Variants in ANK1 observed in about 807,000 individuals in gnomAD.
ANK1 encodes ankyrin 1, also known as ankyrin-1.
A neutral mutation model predicts 210.4 loss-of-function variants in ANK1; 51 were observed. That is an observed-to-expected ratio of 0.24 (90% CI 0.19 to 0.31). ANK1 has a LOEUF of 0.31. ANK1 is among the 10% of genes least tolerant of loss of function. The pLI, the probability that ANK1 is intolerant of heterozygous loss-of-function variation, is 1.00. For missense variants in ANK1, 2,051 were observed against 2,504.4 expected (o/e 0.82, Z 3.86); for synonymous variants, 967 against 1,025.9 (o/e 0.94, Z 1.10).
intron 42 of ANK1, chr8:41,660,647 C>G: frequency 2.4e-6 from 1 of 423,626 alleles, no homozygotes; most frequent in Non-Finnish European, 4.7e-6. Flanking sequence ...TGTGGCCACA[C>G]TGCCCCATGC....
At chr8:41,783,244 G>A (rs183583881) in intron 1 of ANK1, among the ~76,000 whole-genome samples, 70 of 152,264 alleles carry the variant, frequency 4.6e-4, no homozygotes, top group African/African-American at 1.5e-3. Context: ...TCCTACTCCC[G>A]GTCCATGCAA....
intron 1 of ANK1, among the ~76,000 whole-genome samples, chr8:41,881,961 G>C (rs976759494): frequency 2.6e-5 from 4 of 152,138 alleles, no homozygotes. Flanking sequence ...CCTGCTAGTA[G>C]CTGGGTGGGC....
At chr8:41,739,521 C>CTTTTTTTTTTTCTTTT (rs774043664) in intron 2 of ANK1, among the ~76,000 whole-genome samples, 1 of 116,112 alleles carries the variant, frequency 8.6e-6, no homozygotes. Flanking sequence ...TTTTTTCTTT[C>CTTTTTTTTTTTCTTTT]TTTTTTTTTT....
chr8:41,871,415 C>T (rs570108085), intron 1 of ANK1, among the ~76,000 whole-genome samples: 3 of 152,340 alleles, frequency 2.0e-5, no homozygotes, highest in Admixed American at 1.3e-4. Context: ...TCAAGCCATC[C>T]TCCCATCTCA....
intron 1 of ANK1, among the ~76,000 whole-genome samples, chr8:41,895,544 C>T (rs759644212): frequency 1.3e-5 from 2 of 152,060 alleles, no homozygotes; most frequent in Non-Finnish European, 2.9e-5. Flanking sequence ...TGGGTCTTTG[C>T]GGGCCTATTT....
At chr8:41,867,094 G>A (rs1045140533) in intron 1 of ANK1, among the ~76,000 whole-genome samples, 1 of 152,154 alleles carries the variant, frequency 6.6e-6, no homozygotes. Context: ...TTCTTAGTGT[G>A]GGGAGGTACA....
upstream of ANK1, among the ~76,000 whole-genome samples, chr8:41,798,853 G>A (rs571473092): frequency 5.9e-5 from 9 of 152,090 alleles, no homozygotes; most frequent in Non-Finnish European, 1.3e-4. Context: ...CTGGGCCCAC[G>A]CTGGTCCAGG....
At chr8:41,684,747 G>T in intron 36 of ANK1, 57 bp from the exon 37 acceptor site, 2 of 1,579,946 alleles carry the variant, frequency 1.3e-6, no homozygotes, top group South Asian at 1.1e-5. Flanking sequence ...AGGATCACAT[G>T]GGCTCAGAAA....
chr8:41,869,661 C>T (rs1815110190), intron 1 of ANK1, among the ~76,000 whole-genome samples: 1 of 152,152 alleles, frequency 6.6e-6, no homozygotes, highest in Non-Finnish European at 1.5e-5. Context: ...AAAAATGCTG[C>T]CTTGTAGGAA....
At chr8:41,814,562 T>C (rs2150785324) in intron 1 of ANK1, among the ~76,000 whole-genome samples, 1 of 152,136 alleles carries the variant, frequency 6.6e-6, no homozygotes, top group Non-Finnish European at 1.5e-5. Context: ...TTTCCATGAA[T>C]CTCCTTAAAG....
chr8:41,719,998 T>G (rs1271531674), intron 9 of ANK1, 140 bp from the exon 10 acceptor site: 2 of 982,802 alleles, frequency 2.0e-6, no homozygotes, highest in African/African-American at 3.2e-5. Context: ...TGGCTCACCC[T>G]GGCCTCCACG....
At chr8:41,736,858 C>G (rs928280190) in intron 2 of ANK1, among the ~76,000 whole-genome samples, 1 of 152,206 alleles carries the variant, frequency 6.6e-6, no homozygotes, top group Non-Finnish European at 1.5e-5. Context: ...CTGAACTCCA[C>G]CCTTTCATCT....
At chr8:41,717,465 G>A (rs1231419060) in intron 12 of ANK1, 139 bp downstream of exon 12, 15 of 830,392 alleles carry the variant, frequency 1.8e-5, no homozygotes, top group Admixed American at 1.4e-4. Context: ...ACACAGGGAT[G>A]TCCTCCCCCA....
At chr8:41,892,011 G>A (rs117151555) in intron 1 of ANK1, among the ~76,000 whole-genome samples, 42 of 152,224 alleles carry the variant, frequency 2.8e-4, no homozygotes, top group Middle Eastern at 3.2e-3. Context: ...GATGAGCACT[G>A]TTCTCTTTCA....
In ANK1 at chr8:41,654,864, G is replaced by A. The variant is rs1241657503; in HGVS notation, c.*926C>T. On this transcript the variant is annotated 3_prime_UTR_variant, in exon 43 of 43. Transcript: ENST00000289734. ...TCAGCCACCGGCCTGTCCCCCAACTGAGAGAGGAGACCCTTTCAGATGGGG... is the reference window on the plus strand; with the variant it reads ...TCAGCCACCGGCCTGTCCCCCAACTAAGAGAGGAGACCCTTTCAGATGGGG... 6.6e-6 allele frequency: 1 copy of A among 152,646 alleles called. No individual in the cohort carries two copies. Among genetic ancestry groups the A allele is most frequent in the Non-Finnish European group, 1.5e-5 (1 of 68,062 alleles). 9.5% of individuals were successfully genotyped at this position (152,646 alleles called of 1,614,324 possible).
At chr8:41,680,260 C>T (rs1042157967) in intron 37 of ANK1, among the ~76,000 whole-genome samples, 5 of 152,138 alleles carry the variant, frequency 3.3e-5, no homozygotes, top group African/African-American at 9.7e-5. Flanking sequence ...AGTGGAATTT[C>T]ACCCAAATAA....
At chr8:41,787,748 G>C (rs947839680) in intron 1 of ANK1, among the ~76,000 whole-genome samples, 1 of 152,156 alleles carries the variant, frequency 6.6e-6, no homozygotes, top group Admixed American at 6.5e-5. Flanking sequence ...CCAGGAGGTG[G>C]AGGCTGCAGT....
At chr8:41,862,764 C>A (rs1371492243) in intron 1 of ANK1, among the ~76,000 whole-genome samples, 1 of 151,662 alleles carries the variant, frequency 6.6e-6, no homozygotes, top group African/African-American at 2.4e-5. Context: ...AATCCCAGCA[C>A]TTTGAGAGGC....
intron 1 of ANK1, among the ~76,000 whole-genome samples, chr8:41,767,348 G>A (rs1039236333): frequency 1.3e-5 from 2 of 150,978 alleles, no homozygotes; most frequent in African/African-American, 2.4e-5. Flanking sequence ...TCACCGCAGG[G>A]TCTGGCCCGG....
Sources: allele counts gnomAD v4.1 joint callset (sites outside exome capture counted in the v4.1 genomes callset), GRCh38; gene constraint gnomAD v4.1.1; transcripts MANE v1.5; gene names NCBI Gene and HGNC (gene_info 2026-07-23, HGNC 2026-07-21).